Variants in ASB15 observed in about 807,000 individuals in gnomAD.
ASB15 encodes the protein ankyrin repeat and SOCS box containing 15, also known as ankyrin repeat and SOCS box protein 15.
ASB15 carries 54 observed loss-of-function variants against 58.0 expected under a neutral mutation model. The ratio of observed to expected loss-of-function variants is 0.93; its 90% confidence interval spans 0.75 to 1.17. The LOEUF (loss-of-function observed/expected upper bound fraction) is 1.17, where lower values mean the gene tolerates loss of function less well. Ranked by LOEUF, ASB15 falls within the 50% of genes most tolerant of loss-of-function variation. ASB15 has a pLI of 0.00. For missense variants in ASB15, 680 were observed against 707.4 expected (o/e 0.96, Z 0.44); for synonymous variants, 249 against 262.4 (o/e 0.95, Z 0.50).
intron 3 of ASB15, chr7:123,612,324 G>C (rs139333637): frequency 1.3e-5 from 2 of 152,358 alleles, no homozygotes; most frequent in African/African-American, 4.8e-5. Flanking sequence ...AGAAGGAATA[G>C]AGGGAAAAGA....
Position 123,624,725 on chromosome 7 carries a change from T to TC in ASB15, c.610dup (p.His204ProfsTer21). The TC allele has an allele frequency of 6.2e-7, 1 of 1,614,176 alleles. No individual in the cohort carries two copies. Among genetic ancestry groups the TC allele is most frequent in the Non-Finnish European group, 8.5e-7 (1 of 1,180,018 alleles). Reference sequence around the variant, plus strand: ...CTGCTGCTGAAACATGGAGGCAATGTCCACCTGAGAGATGGATTTGGAGTC... The same window carrying TC: ...CTGCTGCTGAAACATGGAGGCAATGTCCCACCTGAGAGATGGATTTGGAGTC... On this transcript the variant is annotated frameshift_variant, in exon 8 of 12. Transcript: ENST00000451215. LOFTEE classifies it high-confidence loss of function.
chr7:123,624,660 G>GC lies in ASB15; in HGVS notation c.544dup (p.His182ProfsTer2), dbSNP rs1366166729. ...CCTGTGTCAAGCGATGGTCAGCAAT[G>GC]CATGAAGCAGCCAAGCAAGGCCGAA... On this transcript the variant is annotated frameshift_variant, in exon 8 of 12. Transcript: ENST00000451215. LOFTEE classifies it high-confidence loss of function. The GC allele has an allele frequency of 1.2e-6, 2 of 1,614,180 alleles. No individual in the cohort carries two copies. The highest frequency in any genetic ancestry group is 4.5e-5 in the East Asian group (2 of 44,876).
intron 7 of ASB15, among the ~76,000 whole-genome samples, chr7:123,623,592 G>A (rs1426622137): frequency 3.9e-5 from 6 of 152,040 alleles, no homozygotes; most frequent in South Asian, 4.2e-4. Flanking sequence ...AGGGCCGGGC[G>A]TGGTAGCTCA....
Position 123,639,030 on chromosome 7 carries a change from A to T in ASB15, c.*2049A>T, listed in dbSNP as rs1802536592. 6.6e-6 allele frequency: 1 copy of T among 152,136 alleles called. No individual in the cohort carries two copies. Among genetic ancestry groups the T allele is most frequent in the Admixed American group, 6.5e-5 (1 of 15,282 alleles). The allele number at this position is 152,136 out of a possible 1,614,324, so 9.4% of individuals were successfully genotyped here. On this transcript the variant is annotated 3_prime_UTR_variant, in exon 12 of 12. Transcript: ENST00000451215. The stretch of plus-strand genomic sequence containing the variant: ...ATCAGTGACATCATGGTGAAATAAT[A>T]GTTTTAAATTTCTGAGTGAGTTATG...
At chr7:123,630,606 C>T (rs1396785867) in intron 11 of ASB15, among the ~76,000 whole-genome samples, 1 of 151,990 alleles carries the variant, frequency 6.6e-6, no homozygotes, top group Non-Finnish European at 1.5e-5. Flanking sequence ...TATTTGTAGA[C>T]AGGCCATTTT....
At chr7:123,614,695 C>T (rs1311847288) in intron 4 of ASB15, 86 bp downstream of exon 4, 1 of 876,804 alleles carries the variant, frequency 1.1e-6, no homozygotes, top group African/African-American at 1.7e-5. Context: ...TTTCCTAATT[C>T]CTCCTCTAGG....
intron 6 of ASB15, 122 bp downstream of exon 6, chr7:123,616,617 ATTTG>A: frequency 8.1e-7 from 1 of 1,231,686 alleles, no homozygotes; most frequent in Admixed American, 3.1e-5. Context: ...ATTATTTGGA[ATTTG>A]AAAAAGGCAG....
chr7:123,617,542 A>G (rs1012751524), intron 6 of ASB15, 37 bp from the exon 7 acceptor site: 1 of 1,550,360 alleles, frequency 6.5e-7, no homozygotes. Flanking sequence ...ATAAGTGAGT[A>G]TTTTCAACTT....
At chr7:123,627,322 G>A (rs912544713) in intron 9 of ASB15, 41 bp downstream of exon 9, 1 of 1,529,816 alleles carries the variant, frequency 6.5e-7, no homozygotes, top group Non-Finnish European at 9.0e-7. Context: ...AGTTAAAAAT[G>A]CTAATTTGTA....
chr7:123,625,791 G>A (rs1015247290), intron 8 of ASB15, among the ~76,000 whole-genome samples: 9 of 152,244 alleles, frequency 5.9e-5, no homozygotes, highest in South Asian at 2.1e-4. Context: ...GGTCCTCAGC[G>A]TCCTCATCTG....
intron 7 of ASB15, among the ~76,000 whole-genome samples, chr7:123,621,056 A>G (rs1313673112): frequency 6.6e-6 from 1 of 152,232 alleles, no homozygotes; most frequent in Non-Finnish European, 1.5e-5. Context: ...TTAAAGGACA[A>G]CTAAGCCGTG....
chr7:123,608,503 T>C (rs1189848665), intron 2 of ASB15, 91 bp from the exon 3 acceptor site: 1 of 152,220 alleles, frequency 6.6e-6, no homozygotes, highest in Non-Finnish European at 1.5e-5. Context: ...ATTGTTTGTG[T>C]GTGTGCATGT....
rs752794431 is a variant in ASB15 at position 123,629,075 on chromosome 7, A to G, written c.1081A>G (p.Asn361Asp). ...KTALYFGVSN[N>D]DVHCTEVLLA... ...TGCGCTGTATTTTGGCGTTTCTAAT[A>G]ATGACGTTCATTGCACAGAAGTCCT... Residue 361 changes from asparagine to aspartate, a missense_variant, in exon 10 of 12, where the codon AAT becomes GAT. Asn to Asp is a conservative substitution (Grantham distance 23, BLOSUM62 1). Coordinates refer to ENST00000451215, the MANE Select transcript of ASB15 (RefSeq NM_001290258.2). 2 of 1,613,622 alleles carry G rather than the reference A, an allele frequency of 1.2e-6. No homozygotes were observed. The highest frequency in any genetic ancestry group is 1.7e-6 in the Non-Finnish European group (2 of 1,179,644).
At chr7:123,615,366 A>T (rs377540565) in intron 4 of ASB15, 1 of 152,286 alleles carries the variant, frequency 6.6e-6, no homozygotes, top group East Asian at 1.9e-4. Flanking sequence ...AGTACTTTTG[A>T]AGAGATCCAG....
At chr7:123,630,258 C>T (rs1802052085) in intron 11 of ASB15, 139 bp downstream of exon 11, 1 of 596,692 alleles carries the variant, frequency 1.7e-6, no homozygotes, top group African/African-American at 1.9e-5. Context: ...TCATCCTTAA[C>T]ACTTCCTCTG....
At chr7:123,567,476 A>G (rs908959678) in intron 1 of ASB15, among the ~76,000 whole-genome samples, 2 of 152,222 alleles carry the variant, frequency 1.3e-5, no homozygotes, top group African/African-American at 4.8e-5. Flanking sequence ...TTGTTTATCC[A>G]AAATTAAGTG....
chr7:123,634,789 T>G (rs1802325185), intron 11 of ASB15, among the ~76,000 whole-genome samples: 1 of 152,304 alleles, frequency 6.6e-6, no homozygotes, highest in African/African-American at 2.4e-5. Context: ...TCCGATAAAT[T>G]AATGGATGTA....
rs779458878 is a variant in ASB15 at position 123,624,642 on chromosome 7, C to T, written c.525C>T (p.Val175=). The T allele has an allele frequency of 1.2e-6, 2 of 1,614,044 alleles. No homozygotes were observed. Among genetic ancestry groups the T allele is most frequent in the African/African-American group, 1.3e-5 (1 of 75,032 alleles). The change falls in exon 8 of 12, where the codon GTC becomes GTT. Residue 175 remains valine (V), a synonymous_variant. Coordinates refer to ENST00000451215, the MANE Select transcript of ASB15 (RefSeq NM_001290258.2). The part of the protein sequence containing the change: ...KHNTSLDQPC[V]KRWSAMHEAA... ...ACACTAGCCTAGACCAGCCCTGTGT[C>T]AAGCGATGGTCAGCAATGCATGAAG...
chr7:123,606,061 T>C (rs998191237), intron 2 of ASB15, among the ~76,000 whole-genome samples: 3 of 152,212 alleles, frequency 2.0e-5, no homozygotes, highest in African/African-American at 7.2e-5. Context: ...AGGTAATCAA[T>C]GTAGTCAAAA....
Sources: gnomAD v4.1 joint callset for allele counts (sites outside exome capture counted in the v4.1 genomes callset) on GRCh38, gnomAD v4.1.1 for gene constraint, MANE v1.5 for transcripts, NCBI Gene and HGNC (gene_info 2026-07-23, HGNC 2026-07-21) for gene names.